KTN1: variants seen among roughly 807,000 people sequenced by gnomAD.
The protein encoded by KTN1 is kinectin 1, also known as kinectin.
Under a neutral mutation model 222.5 loss-of-function variants are expected in KTN1, and 130 were observed. The ratio of observed to expected loss-of-function variants is 0.58; its 90% CI spans 0.51 to 0.68. The LOEUF is 0.68. Among genes scored for constraint, KTN1 ranks in the 30% least tolerant of loss-of-function variants. The pLI is 0.00. For synonymous variants in KTN1, 512 were observed against 496.3 expected (o/e 1.03, Z -0.42); for missense variants, 1,508 against 1,500.4 (o/e 1.01, Z -0.08).
chr14:55,616,060 C>T (rs1006257159), intron 2 of KTN1, among the ~76,000 whole-genome samples: 3 of 151,624 alleles, frequency 2.0e-5, no homozygotes, highest in African/African-American at 4.9e-5. Context: ...TACAGGTGTG[C>T]GCCACCACAC....
Position 55,650,583 on chromosome 14 carries a change from A to C in KTN1, c.2511A>C (p.Glu837Asp). The C allele has an allele frequency of 6.2e-7, 1 of 1,612,294 alleles. No homozygotes were observed. The highest frequency in any genetic ancestry group is 8.5e-7 in the Non-Finnish European group (1 of 1,178,592). ...KEKTVQDLKQ[E>D]IKALKEEIGN... is the part of the protein sequence containing the mutation. The stretch of plus-strand genomic sequence containing the variant: ...TCATTGTCAAGGATTTGAAACAGGA[A>C]ATAAAGGCTCTAAAAGAAGAAATAG... The change falls in exon 24 of 44, where the codon GAA (glutamate) becomes GAC (aspartate). Residue 837 changes from glutamate (E) to aspartate (D), a missense_variant. Coordinates refer to ENST00000395314, the MANE Select transcript of KTN1 (RefSeq NM_001079521.2).
At chr14:55,627,192 A>G (rs2039946389) in intron 5 of KTN1, among the ~76,000 whole-genome samples, 1 of 152,156 alleles carries the variant, frequency 6.6e-6, no homozygotes, top group Non-Finnish European at 1.5e-5. Context: ...GAAGGAGGAA[A>G]TTACTGTCTT....
At chr14:55,633,627 A>G (rs1056004794) in intron 8 of KTN1, among the ~76,000 whole-genome samples, 2 of 151,868 alleles carry the variant, frequency 1.3e-5, no homozygotes, top group Non-Finnish European at 2.9e-5. Flanking sequence ...TGTATATTGT[A>G]TATAAACTAT....
At chr14:55,682,658 AC>A (rs1020754291) in intron 43 of KTN1, 5 of 152,152 alleles carry the variant, frequency 3.3e-5, no homozygotes, top group African/African-American at 1.2e-4. Flanking sequence ...TATTATTATT[AC>A]CATGTTACAA....
chr14:55,615,330 G>A (rs527619498), intron 2 of KTN1, among the ~76,000 whole-genome samples: 4 of 151,954 alleles, frequency 2.6e-5, no homozygotes, highest in Non-Finnish European at 5.9e-5. Context: ...AACTCTGTAC[G>A]CATTATACAC....
At chr14:55,637,021 T>C (rs1230598595) in intron 10 of KTN1, among the ~76,000 whole-genome samples, 177 bp from the exon 11 acceptor site, 1 of 152,108 alleles carries the variant, frequency 6.6e-6, no homozygotes, top group Non-Finnish European at 1.5e-5. Context: ...TGTTTATTTC[T>C]CTACTACTCC....
intron 1 of KTN1, among the ~76,000 whole-genome samples, chr14:55,585,564 G>T (rs915193172): frequency 2.0e-5 from 3 of 152,168 alleles, no homozygotes; most frequent in Non-Finnish European, 1.5e-5. Context: ...AAAGTGGAAT[G>T]AAAAGATAGG....
chr14:55,667,450 TG>T, intron 34 of KTN1, 120 bp downstream of exon 34: 1 of 519,838 alleles, frequency 1.9e-6, no homozygotes, highest in Non-Finnish European at 3.3e-6. Flanking sequence ...TCTTTCCTAT[TG>T]TTAAGCTGGT....
chr14:55,656,367 T>C, intron 29 of KTN1: 1 of 382,812 alleles, frequency 2.6e-6, no homozygotes. Flanking sequence ...TATATTTTGC[T>C]TTCTTCACAA....
At chr14:55,637,520 G>A (rs889767007) in intron 11 of KTN1, among the ~76,000 whole-genome samples, 156 bp downstream of exon 11, 5 of 151,682 alleles carry the variant, frequency 3.3e-5, no homozygotes, top group African/African-American at 1.2e-4. Flanking sequence ...ACAATATGGT[G>A]TGTTTGAAGG....
In KTN1 at chr14:55,612,569, G is replaced by A; in HGVS notation, c.521G>A (p.Ser174Asn). Residue 174 changes from serine to asparagine, a missense_variant and splice_region_variant, in exon 2 of 44, where the codon AGC becomes AAC. By Grantham distance (46) the Ser-to-Asn change is conservative. Coordinates refer to ENST00000395314, the MANE Select transcript of KTN1 (RefSeq NM_001079521.2). ...GGGCAGAAGAAGTCTAAAAATGGAA[G>A]CGGTATTGTAATCTATTTAATCTAT... ...KPGQKKSKNG[S>N]DDQDKKVETL... 1 of 1,575,924 alleles carries A rather than the reference G, an allele frequency of 6.3e-7. No individual in the cohort carries two copies. The highest frequency in any genetic ancestry group is 8.6e-7 in the Non-Finnish European group (1 of 1,168,826).
intron 7 of KTN1, 36 bp from the exon 8 acceptor site, chr14:55,633,196 CTTT>C: frequency 8.5e-7 from 1 of 1,174,368 alleles, no homozygotes; most frequent in South Asian, 1.6e-5. Flanking sequence ...CTTTGACAGT[CTTT>C]GTTTTCTAAG....
intron 7 of KTN1, among the ~76,000 whole-genome samples, chr14:55,630,898 G>GTT (rs2040429116): frequency 2.0e-5 from 3 of 152,178 alleles, no homozygotes; most frequent in Non-Finnish European, 2.9e-5. Context: ...AGTATACAAA[G>GTT]AGTTAGTTAG....
At chr14:55,591,531 G>A (rs750899084) in intron 1 of KTN1, among the ~76,000 whole-genome samples, 1 of 147,940 alleles carries the variant, frequency 6.8e-6, no homozygotes, top group Non-Finnish European at 1.5e-5. Context: ...TTAGCCTATT[G>A]TGTGTGAATT....
chr14:55,621,676 G>A (rs28754619), intron 5 of KTN1, among the ~76,000 whole-genome samples: 11,689 of 151,888 alleles, frequency 0.077, 492 homozygotes, highest in South Asian at 0.11. Context: ...CCTCTCCCAC[G>A]GCACGTGGGA....
At chr14:55,627,690 C>T (rs1481937126) in intron 5 of KTN1, among the ~76,000 whole-genome samples, 1 of 152,152 alleles carries the variant, frequency 6.6e-6, no homozygotes, top group African/African-American at 2.4e-5. Context: ...GTTCAACTCC[C>T]ACTTATGAGT....
intron 30 of KTN1, among the ~76,000 whole-genome samples, chr14:55,659,227 G>T (rs755076516): frequency 6.6e-6 from 1 of 151,536 alleles, no homozygotes; most frequent in African/African-American, 2.4e-5. Flanking sequence ...GAAGGGCTGT[G>T]TACCTTTGCA....
At chr14:55,662,925 G>A (rs1252750181) in intron 32 of KTN1, 2 of 455,990 alleles carry the variant, frequency 4.4e-6, no homozygotes, top group Non-Finnish European at 8.8e-6. Flanking sequence ...TAATGCAGCA[G>A]CAGCAGCAGC....
chr14:55,627,936 C>T lies in KTN1; in HGVS notation c.988C>T (p.Leu330Phe), dbSNP rs754431201. 1.7e-5 allele frequency: 28 copies of T among 1,611,864 alleles called. No homozygotes were observed. In the East Asian group the frequency reaches 6.2e-4, roughly 36 times the overall value. ...GTCAAGTAAGGGAGAATTGACTACG[C>T]TTATACATCAGCTTCAAGAAAAGGA... is the stretch of plus-strand genomic sequence containing the variant. Reference protein sequence around the residue: ...KKSSKGELTTLIHQLQEKDKL... With the variant: ...KKSSKGELTTFIHQLQEKDKL... Residue 330 changes from leucine (L) to phenylalanine (F), a missense_variant, in exon 6 of 44, where the codon CTT (leucine) becomes TTT (phenylalanine). Coordinates refer to ENST00000395314, the MANE Select transcript of KTN1 (RefSeq NM_001079521.2).
Sources: gnomAD v4.1 joint callset for allele counts (sites outside exome capture counted in the v4.1 genomes callset) on GRCh38, gnomAD v4.1.1 for gene constraint, MANE v1.5 for transcripts, NCBI Gene and HGNC (gene_info 2026-07-23, HGNC 2026-07-21) for gene names.